Variants in ELF1 observed in about 807,000 individuals in gnomAD.
ELF1 encodes E74 like ETS transcription factor 1, also known as ETS-related transcription factor Elf-1.
ELF1 carries 24 observed loss-of-function variants against 59.9 expected under a neutral mutation model. That is an observed-to-expected ratio of 0.40 (90% CI 0.29 to 0.56). ELF1 has a LOEUF of 0.56. Among genes scored for constraint, ELF1 ranks in the 20% least tolerant of loss-of-function variants. The pLI is 0.44. For missense variants in ELF1, 627 were observed against 742.2 expected, an observed-to-expected ratio of 0.84 and a Z score of 1.80; for synonymous variants, 248 against 266.2, an observed-to-expected ratio of 0.93 and a Z score of 0.67.
At chr13:40,993,514 G>A (rs140263453) in intron 1 of ELF1, among the ~76,000 whole-genome samples, 103 of 152,174 alleles carry the variant, frequency 6.8e-4, no homozygotes, top group Non-Finnish European at 1.3e-3. Flanking sequence ...ACAGGGTCTC[G>A]TTGTTGCCCA....
chr13:40,980,373 C>A (rs1175555827), intron 2 of ELF1, among the ~76,000 whole-genome samples: 1 of 152,056 alleles, frequency 6.6e-6, no homozygotes, highest in African/African-American at 2.4e-5. Flanking sequence ...TAGACAAAAA[C>A]AAATAACTTA....
intron 2 of ELF1, among the ~76,000 whole-genome samples, chr13:40,968,596 C>A (rs908636622): frequency 6.6e-6 from 1 of 152,034 alleles, no homozygotes; most frequent in African/African-American, 2.4e-5. Context: ...AAGCCCAGTA[C>A]AAAGTTTTCT....
chr13:41,010,623 TA>T (rs1875010354), intron 1 of ELF1, among the ~76,000 whole-genome samples: 1 of 152,188 alleles, frequency 6.6e-6, no homozygotes, highest in Admixed American at 6.5e-5. Flanking sequence ...GGTTAATTAG[TA>T]AAATATATGC....
intron 1 of ELF1, among the ~76,000 whole-genome samples, chr13:40,987,376 T>C (rs554883026): frequency 1.9e-4 from 28 of 146,716 alleles, no homozygotes; most frequent in African/African-American, 6.5e-4. Flanking sequence ...AGGTCAGGAG[T>C]TCGAGACCAG....
chr13:40,953,498 A>C (rs1412805524), intron 3 of ELF1, among the ~76,000 whole-genome samples: 1 of 152,214 alleles, frequency 6.6e-6, no homozygotes, highest in East Asian at 1.9e-4. Context: ...ACACTGGAAG[A>C]CAAGTCACCT....
intron 1 of ELF1, among the ~76,000 whole-genome samples, chr13:41,056,026 A>C (rs937507582): frequency 3.3e-5 from 5 of 152,332 alleles, no homozygotes; most frequent in African/African-American, 1.2e-4. Flanking sequence ...AAACTTACAT[A>C]TCATGAAGTT....
At chr13:40,976,363 G>A (rs1178024670) in intron 2 of ELF1, among the ~76,000 whole-genome samples, 1 of 152,172 alleles carries the variant, frequency 6.6e-6, no homozygotes, top group African/African-American at 2.4e-5. Flanking sequence ...CCTCCTTTGA[G>A]ATCCAGTTCA....
intron 2 of ELF1, among the ~76,000 whole-genome samples, chr13:40,979,527 G>T (rs973355014): frequency 6.6e-6 from 1 of 152,136 alleles, no homozygotes; most frequent in East Asian, 1.9e-4. Flanking sequence ...TCCAAACAAG[G>T]ATGTTCACTG....
intron 1 of ELF1, among the ~76,000 whole-genome samples, chr13:41,048,561 A>T (rs1022174138): frequency 1.3e-5 from 2 of 151,992 alleles, no homozygotes; most frequent in African/African-American, 4.8e-5. Flanking sequence ...GATTATGGGC[A>T]CACCACCAAG....
chr13:40,934,058 A>G, intron 8 of ELF1, 30 bp from the exon 9 acceptor site: 1 of 1,581,274 alleles, frequency 6.3e-7, no homozygotes, highest in South Asian at 1.1e-5. Flanking sequence ...AAAGTGAGAC[A>G]ATTAGCATAT....
At chr13:40,972,658 A>G (rs1390316583) in intron 2 of ELF1, among the ~76,000 whole-genome samples, 1 of 152,168 alleles carries the variant, frequency 6.6e-6, no homozygotes, top group Non-Finnish European at 1.5e-5. Flanking sequence ...GCATTGCATA[A>G]GCATTTAATG....
intron 2 of ELF1, among the ~76,000 whole-genome samples, chr13:40,965,954 A>G (rs745639964): frequency 6.6e-6 from 1 of 152,222 alleles, no homozygotes; most frequent in East Asian, 1.9e-4. Context: ...GGTGGGTCCA[A>G]TTTGCATCCA....
chr13:41,028,190 C>G (rs1876016734), intron 1 of ELF1, among the ~76,000 whole-genome samples: 1 of 152,168 alleles, frequency 6.6e-6, no homozygotes, highest in South Asian at 2.1e-4. Context: ...TCAAAACTAC[C>G]ATCCAGCCAC....
At chr13:40,955,612 C>T (rs1871292975) in intron 3 of ELF1, among the ~76,000 whole-genome samples, 1 of 81,606 alleles carries the variant, frequency 1.2e-5, no homozygotes, top group Non-Finnish European at 2.8e-5. Flanking sequence ...CTCTGCCTGG[C>T]CGCCCCTACT....
At chr13:40,983,680 T>C (rs773370492) in intron 1 of ELF1, among the ~76,000 whole-genome samples, 1 of 147,198 alleles carries the variant, frequency 6.8e-6, no homozygotes, top group Non-Finnish European at 1.5e-5. Context: ...GTACCATATC[T>C]AGAAGAGGGA....
At chr13:40,941,778 CTCCTCAGTAGCTGGG>C (rs1303594707) in intron 7 of ELF1, among the ~76,000 whole-genome samples, 16 of 152,126 alleles carry the variant, frequency 1.1e-4, no homozygotes, top group African/African-American at 3.9e-4. Flanking sequence ...CCACGTCAGC[CTCCTCAGTAGCTGGG>C]ACCACAGGCG....
intron 1 of ELF1, among the ~76,000 whole-genome samples, chr13:41,057,406 C>G (rs1012317707): frequency 2.0e-5 from 3 of 151,548 alleles, no homozygotes; most frequent in Non-Finnish European, 4.4e-5. Context: ...TTTTTCCCCC[C>G]ACCCCGAGAT....
At chr13:40,999,248 T>A (rs1353741873) in intron 1 of ELF1, among the ~76,000 whole-genome samples, 1 of 152,132 alleles carries the variant, frequency 6.6e-6, no homozygotes, top group Non-Finnish European at 1.5e-5. Context: ...AAATGCAGTA[T>A]TTTAGAAGAC....
intron 1 of ELF1, among the ~76,000 whole-genome samples, chr13:41,055,012 T>A (rs917890720): frequency 5.3e-5 from 8 of 152,222 alleles, no homozygotes; most frequent in African/African-American, 1.9e-4. Context: ...TTTTCATTCA[T>A]TCATTCAAAT....
Sources: gnomAD v4.1 joint callset for allele counts (sites outside exome capture counted in the v4.1 genomes callset) on GRCh38, gnomAD v4.1.1 for gene constraint, MANE v1.5 for transcripts, NCBI Gene and HGNC (gene_info 2026-07-23, HGNC 2026-07-21) for gene names.